Variants in RASL10B observed in about 807,000 individuals in gnomAD.
RASL10B encodes the protein ras-like protein family member 10B.
A neutral mutation model predicts 20.7 loss-of-function variants in RASL10B; 10 were observed. The ratio of observed to expected loss-of-function variants is 0.48; its 90% CI spans 0.30 to 0.82. RASL10B has a LOEUF of 0.82. RASL10B is among the 40% of genes least tolerant of loss of function. RASL10B has a pLI of 0.07. For missense variants in RASL10B, 231 were observed against 295.4 expected (o/e 0.78, Z 1.60); for synonymous variants, 110 against 123.3 (o/e 0.89, Z 0.72).
intron 1 of RASL10B, among the ~76,000 whole-genome samples, chr17:35,733,011 A>G (rs753618574): frequency 7.2e-5 from 11 of 152,314 alleles, no homozygotes; most frequent in Non-Finnish European, 1.2e-4. Context: ...GAGAAGGGAC[A>G]CTGCATGGGG....
intron 2 of RASL10B, among the ~76,000 whole-genome samples, chr17:35,737,532 T>C (rs587659399): frequency 6.7e-6 from 1 of 149,342 alleles, no homozygotes; most frequent in Admixed American, 7.1e-5. Flanking sequence ...CATAAGTAGG[T>C]ATATCTGTGG....
In RASL10B at chr17:35,735,132, C is replaced by T. The variant is rs782556931; in HGVS notation, c.-53C>T. 598 of 1,561,978 alleles carry T rather than the reference C, an allele frequency of 3.8e-4. 2 individuals carry two copies. Among genetic ancestry groups the T allele is most frequent in the Non-Finnish European group, 5.0e-4 (574 of 1,148,638 alleles). ...CCCCCAGCCCCTGGAATATGCAGCC[C>T]GGGGGAGCCCCAGACAGCGGCAAGG... On this transcript the variant is annotated 5_prime_UTR_variant, in exon 2 of 4. Transcript: ENST00000603017. This position sits in a 1 kb window ranked among gnomAD's most constrained non-coding sequence, Gnocchi z 6.7.
At chr17:35,732,665 C>T (rs1192621152) in intron 1 of RASL10B, among the ~76,000 whole-genome samples, 5 of 152,082 alleles carry the variant, frequency 3.3e-5, no homozygotes, top group African/African-American at 1.2e-4. Flanking sequence ...CATTTCCCTG[C>T]CGCTCCCCAG....
chr17:35,739,166 G>C (rs1399134482), intron 2 of RASL10B, among the ~76,000 whole-genome samples: 1 of 152,226 alleles, frequency 6.6e-6, no homozygotes, highest in African/African-American at 2.4e-5. Flanking sequence ...CTGTTCTGAA[G>C]TTGGACTTAA....
chr17:35,734,803 G>A (rs1555596849), intron 1 of RASL10B, among the ~76,000 whole-genome samples: 1 of 152,178 alleles, frequency 6.6e-6, no homozygotes, highest in South Asian at 2.1e-4. Flanking sequence ...TTTGGTTGGA[G>A]TTGGACCTGG....
chr17:35,735,089 G>C lies in RASL10B; in HGVS notation c.-96G>C, dbSNP rs587704747. 1.6e-4 allele frequency: 200 copies of C among 1,284,496 alleles called. No individual in the cohort carries two copies. The African/African-American group carries it at 2.7e-3, about 18-fold the overall frequency. The allele number at this position is 1,284,496 out of a possible 1,614,324, so 79.6% of individuals were successfully genotyped here. A position where few individuals can be genotyped will look rare whatever the true frequency, so the allele number is the denominator to read the frequency against. On this transcript the variant is annotated 5_prime_UTR_variant, in exon 2 of 4. Coordinates refer to ENST00000603017, the MANE Select transcript of RASL10B (RefSeq NM_033315.4). The surrounding 1 kb of genome is among the most constrained non-coding windows in gnomAD (Gnocchi z 6.7). ...GGGCAAGCAGAGGCAGCAATGGTTG[G>C]TCCTGACGGTGGCTGAGCCCCCAGC...
In RASL10B at chr17:35,741,451, G is replaced by A; in HGVS notation, c.*146G>A. On this transcript the variant is annotated 3_prime_UTR_variant, in exon 4 of 4. Coordinates refer to ENST00000603017, the MANE Select transcript of RASL10B (RefSeq NM_033315.4). ...GCAGCCACGCACCTCCCGGTGAGAA[G>A]CAGAGCGCGAGAGGGAGCCCTCCGT... The A allele has an allele frequency of 1.6e-6, 2 of 1,237,866 alleles. No homozygotes were observed. The highest frequency in any genetic ancestry group is 2.1e-6 in the Non-Finnish European group (2 of 952,838). The allele number at this position is 1,237,866 out of a possible 1,614,324, so 76.7% of individuals were successfully genotyped here.
In RASL10B at chr17:35,735,824, G is replaced by A. The variant is rs1555597146; in HGVS notation, c.216+424G>A. ...GGGTGGAGTTGGGGGGTCACAGAGG[G>A]TGATGTCTCAACTAAATAGGTTTTA... On this transcript the variant is annotated intron_variant, in intron 2 of 3. Coordinates refer to ENST00000603017, the MANE Select transcript of RASL10B (RefSeq NM_033315.4). This position sits in a 1 kb window ranked among gnomAD's most constrained non-coding sequence, Gnocchi z 6.7. Among the ~76,000 whole-genome samples the A allele has an allele frequency of 6.6e-6, 1 of 152,200 alleles. No homozygotes were observed. The highest frequency in any genetic ancestry group is 2.4e-5 in the African/African-American group (1 of 41,462).
intron 1 of RASL10B, among the ~76,000 whole-genome samples, chr17:35,732,675 G>GA (rs1316310079): frequency 6.6e-6 from 1 of 152,098 alleles, no homozygotes; most frequent in Non-Finnish European, 1.5e-5. Context: ...CCGCTCCCCA[G>GA]AAAGGGCTGG....
intron 1 of RASL10B, among the ~76,000 whole-genome samples, chr17:35,733,521 G>C (rs2085572416): frequency 1.3e-5 from 2 of 152,210 alleles, no homozygotes; most frequent in Admixed American, 1.3e-4. Flanking sequence ...ATTCAGCTGT[G>C]GCTTGTGCAT....
intron 2 of RASL10B, among the ~76,000 whole-genome samples, chr17:35,737,927 G>T (rs1181558299): frequency 6.7e-6 from 1 of 150,148 alleles, no homozygotes; most frequent in Non-Finnish European, 1.5e-5. Flanking sequence ...AAGTGTGACT[G>T]TAACTGGAGT....
intron 1 of RASL10B, among the ~76,000 whole-genome samples, chr17:35,733,308 A>G (rs1555596612): frequency 6.6e-6 from 1 of 152,040 alleles, no homozygotes; most frequent in South Asian, 2.1e-4. Flanking sequence ...TTGAACACCT[A>G]CTCTGGCCTA....
At chr17:35,732,887 G>A (rs971957795) in intron 1 of RASL10B, among the ~76,000 whole-genome samples, 1 of 152,168 alleles carries the variant, frequency 6.6e-6, no homozygotes, top group African/African-American at 2.4e-5. Flanking sequence ...CATGCTGGTG[G>A]TAGTGGTGTC....
Position 35,735,434 on chromosome 17 carries a change from G to A in RASL10B, c.216+34G>A. The A allele has an allele frequency of 8.1e-6, 13 of 1,601,414 alleles. No homozygotes were observed. Among genetic ancestry groups the A allele is most frequent in the Non-Finnish European group, 1.0e-5 (12 of 1,169,246 alleles). On this transcript the variant is annotated intron_variant, in intron 2 of 3. Transcript: ENST00000603017. This position sits in a 1 kb window ranked among gnomAD's most constrained non-coding sequence, Gnocchi z 6.7. ...ACCCTGGGGGGCATGGGTTAGTGGG[G>A]AAACGGATGGGTAGGGGAGAGGCTG...
At position 35,741,156 on chromosome 17, in the gene RASL10B, T is replaced by A; in HGVS notation, c.463T>A (p.Tyr155Asn). The A allele has an allele frequency of 6.2e-7, 1 of 1,613,484 alleles. No homozygotes were observed. Among genetic ancestry groups the A allele is most frequent in the Non-Finnish European group, 8.5e-7 (1 of 1,180,036 alleles). The change falls in exon 4 of 4, where the codon TAC (tyrosine) becomes AAC (asparagine). Residue 155 changes from tyrosine to asparagine, a missense_variant. Tyr to Asn is a moderately radical substitution (Grantham distance 143). Coordinates refer to ENST00000603017, the MANE Select transcript of RASL10B (RefSeq NM_033315.4). Reference protein sequence around the residue: ...HLVRKTWKCGYVECSAKYNWH... With the variant: ...HLVRKTWKCGNVECSAKYNWH... ...GGTACGCAAGACCTGGAAGTGCGGC[T>A]ACGTGGAATGCTCGGCCAAGTACAA...
Position 35,735,214 on chromosome 17 carries a change from G to T in RASL10B, c.30G>T (p.Leu10=). Residue 10 remains leucine (L), a synonymous_variant, in exon 2 of 4, where the codon CTG becomes CTT. Coordinates refer to ENST00000603017, the MANE Select transcript of RASL10B (RefSeq NM_033315.4). This position sits in a 1 kb window ranked among gnomAD's most constrained non-coding sequence, Gnocchi z 6.7. The part of the protein sequence containing the change: MVSTYRVAV[L]GARGVGKSAI... Reference sequence around the variant, plus strand: ...TCTCCACCTACCGGGTGGCCGTGCTGGGGGCGCGAGGTGTGGGCAAGAGTG... The same window carrying T: ...TCTCCACCTACCGGGTGGCCGTGCTTGGGGCGCGAGGTGTGGGCAAGAGTG... 6.2e-7 allele frequency: 1 copy of T among 1,611,872 alleles called. No homozygotes were observed.
Position 35,735,384 on chromosome 17 carries a change from C to T in RASL10B, c.200C>T (p.Pro67Leu). 1.2e-6 allele frequency: 2 copies of T among 1,614,162 alleles called. No individual in the cohort carries two copies. The highest frequency in any genetic ancestry group is 1.1e-5 in the South Asian group (1 of 91,086). ...GACTTTCCACCCATCAGCGCCTTCC[C>T]TGTCAATACGCTCCAGGTAGGAGGA... ...ILDFPPISAFPVNTLQEWADT... is the reference protein window; with the variant it reads ...ILDFPPISAFLVNTLQEWADT... Residue 67 changes from proline (P) to leucine (L), a missense_variant, in exon 2 of 4, where the codon CCT becomes CTT. Coordinates refer to ENST00000603017, the MANE Select transcript of RASL10B (RefSeq NM_033315.4). The surrounding 1 kb of genome is among the most constrained non-coding windows in gnomAD (Gnocchi z 6.7).
chr17:35,736,377 T>C (rs1323330396), intron 2 of RASL10B, among the ~76,000 whole-genome samples: 1 of 152,234 alleles, frequency 6.6e-6, no homozygotes, highest in African/African-American at 2.4e-5. Context: ...TCTCTCAGGC[T>C]GAGACCCTGG....
Position 35,741,422 on chromosome 17 carries a change from C to G in RASL10B, c.*117C>G, listed in dbSNP as rs1237817507. On this transcript the variant is annotated 3_prime_UTR_variant, in exon 4 of 4. Coordinates refer to ENST00000603017, the MANE Select transcript of RASL10B (RefSeq NM_033315.4). ...AACTGTGACGGTCCCGGCCTGAGGCCCCTGCAGCCACGCACCTCCCGGTGA... is the reference window on the plus strand; with the variant it reads ...AACTGTGACGGTCCCGGCCTGAGGCGCCTGCAGCCACGCACCTCCCGGTGA... 2 of 1,326,190 alleles carry G rather than the reference C, an allele frequency of 1.5e-6. No homozygotes were observed. Among genetic ancestry groups the G allele is most frequent in the Non-Finnish European group, 1.9e-6 (2 of 1,032,288 alleles). 82.2% of individuals were successfully genotyped at this position (1,326,190 alleles called of 1,614,324 possible). A position where few individuals can be genotyped will look rare whatever the true frequency, so the allele number is the denominator to read the frequency against.
Sources: allele counts gnomAD v4.1 joint callset (sites outside exome capture counted in the v4.1 genomes callset), GRCh38; gene constraint gnomAD v4.1.1; non-coding constraint Gnocchi (gnomAD v3.1); transcripts MANE v1.5; gene names NCBI Gene and HGNC (gene_info 2026-07-23, HGNC 2026-07-21).